The following ATRX variants were observed in gnomAD, a reference collection of about 807,000 sequenced individuals.
The protein encoded by ATRX is chromatin remodeler ATRX.
A neutral mutation model predicts 172.6 loss-of-function variants in ATRX; 12 were observed. The ratio of observed to expected loss-of-function variants is 0.07; its 90% confidence interval spans 0.04 to 0.11. The LOEUF is 0.11. Ranked by LOEUF, ATRX falls within the 10% of genes least tolerant of loss-of-function variation. ATRX has a pLI of 1.00. For synonymous variants in ATRX, 674 were observed against 594.7 expected (o/e 1.13, Z -1.94); for missense variants, 1,368 against 1,767.4 (o/e 0.77, Z 4.05).
At chrX:77,559,139 A>C (rs1377874320) in intron 28 of ATRX, among the ~76,000 whole-genome samples, 2 of 111,103 alleles carry the variant, frequency 1.8e-5, no homozygotes, top group African/African-American at 6.5e-5. Flanking sequence ...TTTCTGAATA[A>C]ATTTAGAGAA....
rs1447683541 is a variant in ATRX at position 77,507,198 on chromosome X, ACT to A, written c.*1151_*1152del. Reference sequence around the variant, plus strand: ...ACAATCTAAACTAAAAAAAAAACAAACTCTGAAACAATTTAAAAAAATGTAAG... The same window carrying A: ...ACAATCTAAACTAAAAAAAAAACAAACTGAAACAATTTAAAAAAATGTAAG... On this transcript the variant is annotated 3_prime_UTR_variant, in exon 35 of 35. Transcript: ENST00000373344. The A allele has an allele frequency of 1.2e-5, 2 of 170,859 alleles. No individual in the cohort carries two copies. The highest frequency in any genetic ancestry group is 8.1e-5 in the Admixed American group (1 of 12,303). The allele number at this position is 170,859 out of a possible 1,213,427, so 14.1% of individuals were successfully genotyped here.
intron 13 of ATRX, 33 bp downstream of exon 13, chrX:77,656,527 T>C (rs782111039): frequency 9.9e-5 from 108 of 1,096,275 alleles, no homozygotes; most frequent in Non-Finnish European, 1.3e-4. Context: ...TTCAGATTAA[T>C]TCCTAAAATT....
intron 2 of ATRX, among the ~76,000 whole-genome samples, chrX:77,703,598 C>T (rs1429957871): frequency 8.9e-6 from 1 of 112,281 alleles, no homozygotes; most frequent in Non-Finnish European, 1.9e-5. Context: ...GGTCTGGGCT[C>T]CCCAGAGGGC....
chrX:77,622,420 G>A (rs781898481), intron 19 of ATRX, among the ~76,000 whole-genome samples: 6 of 111,242 alleles, frequency 5.4e-5, no homozygotes, highest in Non-Finnish European at 1.1e-4. Flanking sequence ...AGTCAAGTTA[G>A]AAAGCCAAGC....
chrX:77,706,602 G>A (rs895582666), intron 2 of ATRX, among the ~76,000 whole-genome samples: 4 of 111,477 alleles, frequency 3.6e-5, no homozygotes, highest in African/African-American at 9.8e-5. Context: ...AGTAACTTGT[G>A]CTTCAATTAA....
chrX:77,695,773 CCATAATTT>C (rs2072154977), intron 5 of ATRX, among the ~76,000 whole-genome samples: 1 of 111,503 alleles, frequency 9.0e-6, no homozygotes. Context: ...TTTTAAACTT[CCATAATTT>C]GAAAATATGT....
In ATRX at chrX:77,562,801, C is replaced by G. The variant is rs2065063959; in HGVS notation, c.6327-3955G>C. Among the ~76,000 whole-genome samples, 3 of 112,073 alleles carry G rather than the reference C, an allele frequency of 2.7e-5. No homozygotes were observed. In the South Asian group the frequency reaches 1.1e-3, roughly 42 times the overall value. On this transcript the variant is annotated intron_variant, in intron 28 of 34. Transcript: ENST00000373344. Reference sequence around the variant, plus strand: ...GCCTCAAGTGATCCTCTCACCTCAGCCTCCCAAAGCCCTGGGATTGCAGGC... The same window carrying G: ...GCCTCAAGTGATCCTCTCACCTCAGGCTCCCAAAGCCCTGGGATTGCAGGC...
intron 15 of ATRX, 44 bp downstream of exon 15, chrX:77,652,070 C>T (rs782660936): frequency 8.4e-7 from 1 of 1,190,320 alleles, no homozygotes; most frequent in South Asian, 1.8e-5. Context: ...CAGAGCAAGA[C>T]CCTGTAGCTA....
intron 27 of ATRX, among the ~76,000 whole-genome samples, chrX:77,589,067 CGTTT>C (rs2066140190): frequency 8.9e-6 from 1 of 112,024 alleles, no homozygotes; most frequent in Non-Finnish European, 1.9e-5. Context: ...TTGGTATTGC[CGTTT>C]GTTTAAATAA....
Position 77,616,602 on chromosome X carries a change from G to A in ATRX, c.5566+11C>T, listed in dbSNP as rs1569531200. On this transcript the variant is annotated intron_variant, in intron 22 of 34. Transcript: ENST00000373344. ...ATAGAGAAGATGAAATCAACAAGGT[G>A]TATTGTTTACCTGTTAAGTGATCTA... The A allele has an allele frequency of 8.6e-7, 1 of 1,160,382 alleles. No homozygotes were observed. Among genetic ancestry groups the A allele is most frequent in the Middle Eastern group, 2.4e-4 (1 of 4,231 alleles).
chrX:77,692,226 G>A (rs1317046522), intron 6 of ATRX, among the ~76,000 whole-genome samples: 3 of 111,531 alleles, frequency 2.7e-5, no homozygotes, highest in East Asian at 2.8e-4. Context: ...CCTATGATCA[G>A]AGGAAAGAAA....
intron 30 of ATRX, among the ~76,000 whole-genome samples, chrX:77,524,160 A>C (rs1557042829): frequency 9.0e-6 from 1 of 111,648 alleles, no homozygotes. Context: ...ACAAAGATAG[A>C]TGGGGTGGGG....
At chrX:77,513,093 G>A (rs1439597526) in intron 34 of ATRX, among the ~76,000 whole-genome samples, 1 of 109,508 alleles carries the variant, frequency 9.1e-6, no homozygotes, top group Non-Finnish European at 1.9e-5. Context: ...CGAGGCGGGA[G>A]GATCACAAGG....
Position 77,673,066 on chromosome X carries a change from G to A in ATRX, c.3809+3160C>T, listed in dbSNP as rs930165177. ...CTCAAAACTAATACTGTTAAAACTT[G>A]AACACACTACTATCGTATTACTTGA... On this transcript the variant is annotated intron_variant, in intron 10 of 34. Transcript: ENST00000373344. Among the ~76,000 whole-genome samples the A allele has an allele frequency of 6.3e-5, 7 of 111,046 alleles. 1 individual carries two copies. The South Asian group carries it at 2.6e-3, about 41-fold the overall frequency.
At chrX:77,525,717 T>C (rs782617188) in intron 30 of ATRX, among the ~76,000 whole-genome samples, 1 of 112,199 alleles carries the variant, frequency 8.9e-6, no homozygotes, top group Admixed American at 9.4e-5. Context: ...AGTCTAGCTA[T>C]GACTGTAAAT....
chrX:77,754,626 G>C (rs1409489692), intron 1 of ATRX, among the ~76,000 whole-genome samples: 2 of 111,765 alleles, frequency 1.8e-5, no homozygotes, highest in African/African-American at 6.5e-5. Flanking sequence ...GTGAAATTCT[G>C]GGTTGAAAAG....
At chrX:77,766,921 C>A (rs2075975539) in intron 1 of ATRX, among the ~76,000 whole-genome samples, 1 of 112,606 alleles carries the variant, frequency 8.9e-6, no homozygotes, top group African/African-American at 3.2e-5. Flanking sequence ...GCACTCCAGC[C>A]TGGGCACCAT....
At chrX:77,737,064 G>C (rs1232556971) in intron 1 of ATRX, among the ~76,000 whole-genome samples, 1 of 109,841 alleles carries the variant, frequency 9.1e-6, no homozygotes, top group Non-Finnish European at 1.9e-5. Flanking sequence ...AGAGAAGTGC[G>C]AGGGGGGGCA....
chrX:77,721,559 T>C (rs1022575117), intron 1 of ATRX, among the ~76,000 whole-genome samples: 13 of 111,357 alleles, frequency 1.2e-4, no homozygotes, highest in Non-Finnish European at 2.3e-4. Flanking sequence ...CATGAGTGAA[T>C]TCCTATTAAC....
Sources: allele counts gnomAD v4.1 joint callset (sites outside exome capture counted in the v4.1 genomes callset), GRCh38; gene constraint gnomAD v4.1.1; transcripts MANE v1.5; gene names NCBI Gene and HGNC (gene_info 2026-07-23, HGNC 2026-07-21).